The following CDYL2 variants were observed in gnomAD, a reference collection of about 807,000 sequenced individuals.
CDYL2 encodes chromodomain Y like 2.
Under a neutral mutation model 49.4 loss-of-function variants are expected in CDYL2, and 23 were observed. The observed-to-expected ratio is 0.47, with a 90% CI of 0.34 to 0.66. CDYL2 has a LOEUF of 0.66. CDYL2 is among the 30% of genes least tolerant of loss of function. The probability of loss-of-function intolerance (pLI) is 0.01; values close to 1 mark genes in which losing one functional copy is unlikely to be tolerated. For synonymous variants in CDYL2, 360 were observed against 268.8 expected (o/e 1.34, Z -3.32); for missense variants, 678 against 656.4 (o/e 1.03, Z -0.36).
At chr16:80,719,023 C>A (rs980401562) in intron 1 of CDYL2, among the ~76,000 whole-genome samples, 1 of 152,184 alleles carries the variant, frequency 6.6e-6, no homozygotes, top group African/African-American at 2.4e-5. Context: ...CGACTTAACG[C>A]TCCCAGAGAA....
chr16:80,768,031 C>T (rs1354183993), intron 1 of CDYL2, among the ~76,000 whole-genome samples: 1 of 152,168 alleles, frequency 6.6e-6, no homozygotes, highest in East Asian at 1.9e-4. Flanking sequence ...TAGACCATTT[C>T]TACTCCTCCC....
At chr16:80,646,192 G>A (rs1442906362) in intron 2 of CDYL2, among the ~76,000 whole-genome samples, 2 of 151,738 alleles carry the variant, frequency 1.3e-5, no homozygotes, top group Non-Finnish European at 2.9e-5. Flanking sequence ...CACAATATGT[G>A]GGAATTATGG....
At chr16:80,641,395 TCTC>T (rs1415723819) in intron 2 of CDYL2, among the ~76,000 whole-genome samples, 1 of 151,536 alleles carries the variant, frequency 6.6e-6, no homozygotes, top group Non-Finnish European at 1.5e-5. Flanking sequence ...CTGGTGAAAA[TCTC>T]CTTCAAACAT....
In CDYL2 at chr16:80,804,282, CGAGT is replaced by C; in HGVS notation, c.-113_-110del. On this transcript the variant is annotated 5_prime_UTR_variant, in exon 1 of 7. Coordinates refer to ENST00000570137, the MANE Select transcript of CDYL2 (RefSeq NM_152342.4). The stretch of plus-strand genomic sequence containing the variant: ...GCGTGTGTGTGCGCGCGTGTGTGTG[CGAGT>C]GTGTGTGGTGTGTTGAGTAAACTGT... 9.9e-7 allele frequency: 1 copy of C among 1,011,822 alleles called. No homozygotes were observed. 62.7% of individuals were successfully genotyped at this position (1,011,822 alleles called of 1,614,324 possible).
At chr16:80,623,245 C>T (rs1186894889) in intron 3 of CDYL2, among the ~76,000 whole-genome samples, 6 of 152,066 alleles carry the variant, frequency 3.9e-5, no homozygotes, top group Admixed American at 2.0e-4. Context: ...TCTGGGGCTA[C>T]GGTTGGGCAC....
At chr16:80,642,932 T>C (rs1173383007) in intron 2 of CDYL2, among the ~76,000 whole-genome samples, 2 of 152,086 alleles carry the variant, frequency 1.3e-5, no homozygotes, top group Admixed American at 6.5e-5. Context: ...AAATCTCAAG[T>C]CCTCATATTT....
At chr16:80,734,347 T>A (rs1905439381) in intron 1 of CDYL2, among the ~76,000 whole-genome samples, 1 of 152,196 alleles carries the variant, frequency 6.6e-6, no homozygotes, top group Non-Finnish European at 1.5e-5. Flanking sequence ...GTCTGTACCA[T>A]GAAGTTTTTG....
chr16:80,632,663 C>T lies in CDYL2; in HGVS notation c.834+356G>A, dbSNP rs549319179. On this transcript the variant is annotated intron_variant, in intron 3 of 6. Coordinates refer to ENST00000570137, the MANE Select transcript of CDYL2 (RefSeq NM_152342.4). The stretch of plus-strand genomic sequence containing the variant: ...ACATTAACTGAGTGAATTATATCTG[C>T]GGCCAACAAATATGACATGCTGATG... The T allele has an allele frequency of 4.6e-4, 121 of 265,474 alleles. 1 individual carries two copies. Among genetic ancestry groups the T allele is most frequent in the African/African-American group, 2.2e-3 (102 of 46,594 alleles). The allele number at this position is 265,474 out of a possible 1,614,324, so 16.4% of individuals were successfully genotyped here.
intron 2 of CDYL2, among the ~76,000 whole-genome samples, chr16:80,681,875 A>G (rs898066801): frequency 6.6e-6 from 1 of 152,180 alleles, no homozygotes; most frequent in Non-Finnish European, 1.5e-5. Context: ...TCATTACTCT[A>G]CTTCAAGCAC....
Position 80,604,467 on chromosome 16 carries a change from A to C in CDYL2, c.1442T>G (p.Met481Arg), listed in dbSNP as rs779145592. The stretch of plus-strand genomic sequence containing the variant: ...GGAGGAGCTCCAGAGCTGCTTGAGC[A>C]TGAGGCATTCCTTCTCGTTCACGTC... ...LEDVNEKECL[M>R]LKQLWSSSKG... The change falls in exon 7 of 7, where the codon ATG (methionine) becomes AGG (arginine). Residue 481 changes from methionine (M) to arginine (R), a missense_variant. Physicochemically the swap from Met to Arg is moderately conservative, Grantham distance 91. This residue lies in a region of CDYL2 where 153 missense variants were observed against 150.6 expected (regional missense o/e 1.02). Coordinates refer to ENST00000570137, the MANE Select transcript of CDYL2 (RefSeq NM_152342.4). 1 of 1,614,202 alleles carries C rather than the reference A, an allele frequency of 6.2e-7. No homozygotes were observed. Among genetic ancestry groups the C allele is most frequent in the Admixed American group, 1.7e-5 (1 of 60,026 alleles).
intron 1 of CDYL2, among the ~76,000 whole-genome samples, chr16:80,755,655 A>T (rs551683571): frequency 2.0e-5 from 3 of 152,386 alleles, no homozygotes; most frequent in Non-Finnish European, 4.4e-5. Context: ...AGAGAAAAAT[A>T]CAAAATGCTC....
intron 4 of CDYL2, among the ~76,000 whole-genome samples, chr16:80,614,528 C>G (rs1347789167): frequency 6.6e-6 from 1 of 152,180 alleles, no homozygotes; most frequent in Non-Finnish European, 1.5e-5. Context: ...AAGTACATTA[C>G]TATATATGAG....
intron 4 of CDYL2, among the ~76,000 whole-genome samples, chr16:80,620,288 G>A (rs1348896750): frequency 2.0e-5 from 3 of 152,168 alleles, no homozygotes; most frequent in Non-Finnish European, 4.4e-5. Flanking sequence ...ACCCCGTTGG[G>A]TCTGCAAACA....
chr16:80,645,720 G>C (rs549446181), intron 2 of CDYL2, among the ~76,000 whole-genome samples: 1 of 152,104 alleles, frequency 6.6e-6, no homozygotes, highest in East Asian at 1.9e-4. Context: ...CAATAGCAAA[G>C]ACTTGGAACC....
chr16:80,781,572 A>G (rs7202292), intron 1 of CDYL2, among the ~76,000 whole-genome samples: 33,178 of 152,072 alleles, frequency 0.22, 6,173 homozygotes, highest in African/African-American at 0.51. Flanking sequence ...CCCAACAACA[A>G]CAGAGCATAC....
intron 1 of CDYL2, among the ~76,000 whole-genome samples, chr16:80,685,957 C>T (rs1910172912): frequency 6.6e-6 from 1 of 152,230 alleles, no homozygotes; most frequent in Non-Finnish European, 1.5e-5. Flanking sequence ...CACAGAGGCA[C>T]AGCTAGGAGG....
chr16:80,785,528 C>T (rs769510859), intron 1 of CDYL2, among the ~76,000 whole-genome samples: 2 of 152,250 alleles, frequency 1.3e-5, no homozygotes, highest in East Asian at 3.9e-4. Flanking sequence ...ATGAAAATGG[C>T]CTTACTGCCC....
At chr16:80,740,486 A>G (rs184125147) in intron 1 of CDYL2, among the ~76,000 whole-genome samples, 4 of 152,360 alleles carry the variant, frequency 2.6e-5, no homozygotes, top group African/African-American at 9.6e-5. Context: ...CCTGACATTC[A>G]AAACCATTAT....
intron 2 of CDYL2, among the ~76,000 whole-genome samples, chr16:80,660,377 C>T (rs1908992804): frequency 1.3e-5 from 2 of 151,744 alleles, no homozygotes; most frequent in African/African-American, 4.8e-5. Flanking sequence ...CAGAAGGAAG[C>T]ATCTTGCCAA....
Sources: gnomAD v4.1 joint callset for allele counts (sites outside exome capture counted in the v4.1 genomes callset) on GRCh38, gnomAD v4.1.1 for gene constraint, gnomAD v4.1.1 regional missense constraint, MANE v1.5 for transcripts, NCBI Gene and HGNC (gene_info 2026-07-23, HGNC 2026-07-21) for gene names.